The following DARS1 variants were observed in gnomAD, a reference collection of about 807,000 sequenced individuals.
DARS1 encodes the protein aspartate--tRNA ligase, cytoplasmic.
Under a neutral mutation model 68.8 loss-of-function variants are expected in DARS1, and 51 were observed. That is an observed-to-expected ratio of 0.74 (90% confidence interval 0.59 to 0.94). The LOEUF (loss-of-function observed/expected upper bound fraction) is 0.94. Ranked by LOEUF, DARS1 falls within the 40% of genes least tolerant of loss-of-function variation. The probability of loss-of-function intolerance (pLI) is 0.00; values close to 1 mark genes in which losing one functional copy is unlikely to be tolerated. For missense variants in DARS1, 607 were observed against 597.3 expected, an observed-to-expected ratio of 1.02 and a Z score of -0.17; for synonymous variants, 203 against 190.4, an observed-to-expected ratio of 1.07 and a Z score of -0.55.
intron 2 of DARS1, among the ~76,000 whole-genome samples, chr2:135,982,972 A>G (rs181244889): frequency 8.9e-4 from 135 of 152,314 alleles, no homozygotes; most frequent in African/African-American, 1.5e-3. Flanking sequence ...ATAGGAATAA[A>G]TAATAGCTAA....
chr2:135,976,183 T>A (rs903598824), intron 3 of DARS1, among the ~76,000 whole-genome samples: 4 of 152,194 alleles, frequency 2.6e-5, no homozygotes, highest in Non-Finnish European at 5.9e-5. Context: ...AGAAAAAGTA[T>A]CAATTTTTGT....
intron 5 of DARS1, among the ~76,000 whole-genome samples, chr2:135,939,541 C>T (rs566002184): frequency 1.0e-3 from 152 of 152,176 alleles, no homozygotes; most frequent in Non-Finnish European, 1.7e-3. Flanking sequence ...GCACTAAATG[C>T]CCACAAGAGA....
intron 4 of DARS1, among the ~76,000 whole-genome samples, chr2:135,955,241 CTAAAATT>C (rs1173532766): frequency 1.3e-5 from 2 of 151,232 alleles, no homozygotes; most frequent in Non-Finnish European, 2.9e-5. Flanking sequence ...ACAAAAACTA[CTAAAATT>C]TTTAACACAG....
chr2:135,974,439 C>A (rs560173229), intron 3 of DARS1, among the ~76,000 whole-genome samples: 58 of 152,230 alleles, frequency 3.8e-4, no homozygotes, highest in African/African-American at 1.4e-3. Flanking sequence ...GTATAATGAA[C>A]CTCTCTACAT....
intron 4 of DARS1, among the ~76,000 whole-genome samples, chr2:135,960,669 AATAAAATTCTG>A (rs1682078836): frequency 6.6e-6 from 1 of 152,222 alleles, no homozygotes; most frequent in African/African-American, 2.4e-5. Flanking sequence ...TTATCATGGA[AATAAAATTCTG>A]ATGAAATTGA....
At chr2:135,955,858 C>G (rs1264927738) in intron 4 of DARS1, among the ~76,000 whole-genome samples, 2 of 151,730 alleles carry the variant, frequency 1.3e-5, no homozygotes, top group Admixed American at 6.6e-5. Context: ...GATGTTTCAC[C>G]ATATTGCCCA....
intron 5 of DARS1, among the ~76,000 whole-genome samples, chr2:135,942,214 T>C (rs1681618066): frequency 1.3e-5 from 2 of 152,156 alleles, no homozygotes; most frequent in Non-Finnish European, 2.9e-5. Flanking sequence ...CGTACGTTTA[T>C]TGCGGCACTA....
intron 12 of DARS1, among the ~76,000 whole-genome samples, chr2:135,912,832 C>T (rs1680924790): frequency 6.6e-6 from 1 of 151,238 alleles, no homozygotes; most frequent in African/African-American, 2.4e-5. Flanking sequence ...TGGGGTCTTG[C>T]TCTGTTGCTT....
intron 2 of DARS1, among the ~76,000 whole-genome samples, chr2:135,979,847 G>A (rs1682582320): frequency 6.6e-6 from 1 of 152,232 alleles, no homozygotes; most frequent in Admixed American, 6.5e-5. Context: ...AACAGTCGCA[G>A]TATCCTATTC....
chr2:135,957,559 G>T (rs749935611), intron 4 of DARS1, among the ~76,000 whole-genome samples: 19 of 152,002 alleles, frequency 1.2e-4, no homozygotes, highest in South Asian at 1.0e-3. Flanking sequence ...ATGGGGTTTC[G>T]CCATGTTGGC....
intron 11 of DARS1, among the ~76,000 whole-genome samples, chr2:135,915,666 CTATA>C (rs894451983): frequency 1.3e-5 from 2 of 152,042 alleles, no homozygotes; most frequent in African/African-American, 4.8e-5. Context: ...ATACTAAATA[CTATA>C]TATAATATAG....
chr2:135,965,611 G>A (rs1393577369), intron 3 of DARS1, among the ~76,000 whole-genome samples: 1 of 152,162 alleles, frequency 6.6e-6, no homozygotes, highest in East Asian at 1.9e-4. Context: ...TCGTAAAACC[G>A]TTCCTTTATA....
intron 4 of DARS1, among the ~76,000 whole-genome samples, chr2:135,952,459 A>G (rs760774836): frequency 7.2e-5 from 11 of 152,132 alleles, no homozygotes; most frequent in Non-Finnish European, 1.6e-4. Context: ...TGAAATATGC[A>G]ATATTGTTAA....
At chr2:135,959,331 C>T (rs893677759) in intron 4 of DARS1, among the ~76,000 whole-genome samples, 3 of 124,800 alleles carry the variant, frequency 2.4e-5, no homozygotes, top group Admixed American at 1.1e-4. Context: ...TAGGAGGTTG[C>T]GATGAGCGGA....
chr2:135,936,851 T>C, intron 5 of DARS1, among the ~76,000 whole-genome samples: 1 of 152,192 alleles, frequency 6.6e-6, no homozygotes, highest in East Asian at 1.9e-4. Flanking sequence ...CTTAAATCAG[T>C]AAGTACATAT....
At chr2:135,941,081 C>A (rs1681585106) in intron 5 of DARS1, among the ~76,000 whole-genome samples, 1 of 152,164 alleles carries the variant, frequency 6.6e-6, no homozygotes, top group Non-Finnish European at 1.5e-5. Context: ...AATGGCCATA[C>A]TGCCCAAGGT....
chr2:135,957,122 T>A (rs1656014759), intron 4 of DARS1, among the ~76,000 whole-genome samples: 1 of 152,128 alleles, frequency 6.6e-6, no homozygotes, highest in Admixed American at 6.5e-5. Context: ...TGGACTGCGG[T>A]GGCACAATCA....
rs1558804008 is a variant in DARS1, at chr2:135,983,466, G to C, written c.67-12C>G. 1.0e-6 allele frequency: 1 copy of C among 996,786 alleles called. No homozygotes were observed. Among genetic ancestry groups the C allele is most frequent in the Admixed American group, 2.0e-5 (1 of 51,104 alleles). The allele number at this position is 996,786 out of a possible 1,614,324, so 61.7% of individuals were successfully genotyped here. A position where few individuals can be genotyped will look rare whatever the true frequency, so the allele number is the denominator to read the frequency against. Reference sequence around the variant, plus strand: ...TCTTTAGCATAATCCTACAAAAAAAGTTTTTTGCATCGTGACTTTTTATGT... The same window carrying C: ...TCTTTAGCATAATCCTACAAAAAAACTTTTTTGCATCGTGACTTTTTATGT... On this transcript the variant is annotated splice_polypyrimidine_tract_variant and intron_variant, in intron 1 of 15. Coordinates refer to ENST00000264161, the MANE Select transcript of DARS1 (RefSeq NM_001349.4).
In DARS1 at chr2:135,971,256, A is replaced by T. The variant is rs530942200; in HGVS notation, c.217+8018T>A. ...AGATCATTCATCGTGACCAAGTGGG[A>T]TTTATCTCAGGGATGCAAGGAGGTT... is the stretch of plus-strand genomic sequence containing the variant. On this transcript the variant is annotated intron_variant, in intron 3 of 15. Coordinates refer to ENST00000264161, the MANE Select transcript of DARS1 (RefSeq NM_001349.4). 4.6e-5 allele frequency among the ~76,000 whole-genome samples: 7 copies of T among 152,294 alleles called. No individual in the cohort carries two copies. In the East Asian group the frequency reaches 7.7e-4, roughly 17 times the overall value.
Sources: allele counts gnomAD v4.1 joint callset (sites outside exome capture counted in the v4.1 genomes callset), GRCh38; gene constraint gnomAD v4.1.1; transcripts MANE v1.5; gene names NCBI Gene and HGNC (gene_info 2026-07-23, HGNC 2026-07-21).